Variants in EBF1 observed in about 807,000 individuals in gnomAD.
The protein encoded by EBF1 is transcription factor COE1.
In EBF1, 10 loss-of-function variants were observed where a neutral mutation model predicts 68.4. The observed-to-expected ratio is 0.15, with a 90% CI of 0.09 to 0.25. The LOEUF is 0.25. Among genes scored for constraint, EBF1 ranks in the 10% least tolerant of loss-of-function variants. The pLI, the probability that EBF1 is intolerant of heterozygous loss-of-function variation, is 1.00. For synonymous variants in EBF1, 298 were observed against 299.8 expected, an observed-to-expected ratio of 0.99 and a Z score of 0.06; for missense variants, 509 against 794.4, an observed-to-expected ratio of 0.64 and a Z score of 4.32.
rs764664679 is a variant in EBF1 at position 159,099,487 on chromosome 5, C to G, written c.-9G>C. ...TCCTGAATCCCAAACATGAAAACAACCTTTTCTTGTGGAAAATCTCCTCCC... is the reference window on the plus strand; with the variant it reads ...TCCTGAATCCCAAACATGAAAACAAGCTTTTCTTGTGGAAAATCTCCTCCC... On this transcript the variant is annotated 5_prime_UTR_variant, in exon 1 of 16. Coordinates refer to ENST00000313708, the MANE Select transcript of EBF1 (RefSeq NM_024007.5). 1.3e-6 allele frequency: 2 copies of G among 1,496,030 alleles called. No individual in the cohort carries two copies. Among genetic ancestry groups the G allele is most frequent in the East Asian group, 2.7e-5 (1 of 37,640 alleles). The allele number at this position is 1,496,030 out of a possible 1,614,324, so 92.7% of individuals were successfully genotyped here. A position where few individuals can be genotyped will look rare whatever the true frequency, so the allele number is the denominator to read the frequency against.
At position 159,070,676 on chromosome 5, in the gene EBF1, T is replaced by G. The variant is rs145865522; in HGVS notation, c.554+2720A>C. Among the ~76,000 whole-genome samples the G allele has an allele frequency of 4.3e-3, 655 of 152,302 alleles. 6 individuals are homozygous for G. The highest frequency in any genetic ancestry group is 0.015 in the African/African-American group (613 of 41,570). On this transcript the variant is annotated intron_variant, in intron 6 of 15. Transcript: ENST00000313708. Reference sequence around the variant, plus strand: ...AAGGACAAGCAAAGAGAGCTAAAAATTATTGGTGCTCAAAAGTTGACTGCG... The same window carrying G: ...AAGGACAAGCAAAGAGAGCTAAAAAGTATTGGTGCTCAAAAGTTGACTGCG...
intron 6 of EBF1, among the ~76,000 whole-genome samples, chr5:158,878,047 T>G (rs535283602): frequency 9.2e-5 from 14 of 151,850 alleles, no homozygotes; most frequent in Admixed American, 3.3e-4. Context: ...AACTTGTCAC[T>G]GCTCACGGGA....
At chr5:159,096,617 G>T in intron 2 of EBF1, 1 of 634,682 alleles carries the variant, frequency 1.6e-6, no homozygotes, top group East Asian at 2.7e-5. Flanking sequence ...AAATTCCGTC[G>T]GGCGCACACA....
chr5:159,048,333 A>AC (rs1341315237), intron 6 of EBF1, among the ~76,000 whole-genome samples: 1 of 152,152 alleles, frequency 6.6e-6, no homozygotes, highest in Non-Finnish European at 1.5e-5. Flanking sequence ...TGCCTACCTC[A>AC]CATCCCTGTG....
intron 6 of EBF1, among the ~76,000 whole-genome samples, chr5:158,938,701 CTCT>C (rs1188831803): frequency 1.3e-5 from 2 of 152,178 alleles, no homozygotes; most frequent in African/African-American, 4.8e-5. Context: ...CTCTCTTTTC[CTCT>C]TCTTATGAAG....
At chr5:158,807,561 T>C (rs1781819350) in intron 8 of EBF1, among the ~76,000 whole-genome samples, 1 of 152,156 alleles carries the variant, frequency 6.6e-6, no homozygotes, top group Non-Finnish European at 1.5e-5. Flanking sequence ...GAAGGCTGGA[T>C]TCAGTTCATG....
intron 7 of EBF1, among the ~76,000 whole-genome samples, chr5:158,831,171 C>T (rs973291678): frequency 6.6e-6 from 1 of 152,034 alleles, no homozygotes; most frequent in African/African-American, 2.4e-5. Flanking sequence ...TCCTCATTGG[C>T]CATTTTAGGT....
intron 6 of EBF1, among the ~76,000 whole-genome samples, chr5:159,015,584 C>A (rs1472054757): frequency 6.6e-6 from 1 of 152,178 alleles, no homozygotes; most frequent in East Asian, 1.9e-4. Context: ...ACCTCCATTT[C>A]CAAAGAATGC....
At chr5:158,923,272 T>A (rs1435479068) in intron 6 of EBF1, among the ~76,000 whole-genome samples, 1 of 152,218 alleles carries the variant, frequency 6.6e-6, no homozygotes, top group East Asian at 1.9e-4. Context: ...AAAAGCTTCC[T>A]TTTCAAAGTA....
chr5:159,003,502 T>G (rs1762968109), intron 6 of EBF1, among the ~76,000 whole-genome samples: 1 of 152,136 alleles, frequency 6.6e-6, no homozygotes, highest in South Asian at 2.1e-4. Flanking sequence ...ACTTGAAGAT[T>G]TAATCTGATT....
intron 6 of EBF1, among the ~76,000 whole-genome samples, chr5:158,950,087 T>A (rs541893278): frequency 6.6e-6 from 1 of 152,358 alleles, no homozygotes; most frequent in African/African-American, 2.4e-5. Flanking sequence ...TCAGGCTGGC[T>A]TCCACACAGG....
At chr5:158,860,136 A>G (rs1312935210) in intron 6 of EBF1, among the ~76,000 whole-genome samples, 2 of 152,216 alleles carry the variant, frequency 1.3e-5, no homozygotes, top group African/African-American at 4.8e-5. Flanking sequence ...CATGATTACA[A>G]TTATTCTTAT....
chr5:158,713,685 A>G (rs973456170), intron 12 of EBF1, among the ~76,000 whole-genome samples: 2 of 152,244 alleles, frequency 1.3e-5, no homozygotes, highest in Non-Finnish European at 2.9e-5. Flanking sequence ...TGTCAGACTC[A>G]GTTTCCTAAG....
chr5:158,762,386 G>C (rs1478929034), intron 10 of EBF1, among the ~76,000 whole-genome samples: 1 of 152,152 alleles, frequency 6.6e-6, no homozygotes, highest in Non-Finnish European at 1.5e-5. Context: ...TAGCATCAAT[G>C]GACAACTGGC....
chr5:158,796,308 T>A lies in EBF1; in HGVS notation c.909+37A>T. The A allele has an allele frequency of 2.5e-6, 4 of 1,578,544 alleles. No homozygotes were observed. The East Asian group carries it at 6.8e-5, about 27-fold the overall frequency. On this transcript the variant is annotated intron_variant, in intron 9 of 15. Transcript: ENST00000313708. ...AGTATAGACAGTATCTTCAACTAGA[T>A]CAAGCTATTAGATATTAATGTTCAG...
chr5:158,827,376 C>G (rs1234652082), intron 7 of EBF1, among the ~76,000 whole-genome samples: 1 of 152,132 alleles, frequency 6.6e-6, no homozygotes, highest in African/African-American at 2.4e-5. Flanking sequence ...GCATGAATTG[C>G]GGTTTTCATT....
chr5:158,787,012 A>G (rs1370234036), intron 9 of EBF1, among the ~76,000 whole-genome samples: 1 of 152,208 alleles, frequency 6.6e-6, no homozygotes, highest in Non-Finnish European at 1.5e-5. Flanking sequence ...TATGATATAC[A>G]TTGATACTAG....
chr5:158,722,258 TAG>T (rs1379850376), intron 11 of EBF1, among the ~76,000 whole-genome samples: 2 of 152,176 alleles, frequency 1.3e-5, no homozygotes, highest in Admixed American at 6.5e-5. Flanking sequence ...AAAAACGGCC[TAG>T]AGTCAAAATT....
At chr5:158,798,292 G>A (rs535460211) in intron 8 of EBF1, among the ~76,000 whole-genome samples, 1 of 152,294 alleles carries the variant, frequency 6.6e-6, no homozygotes, top group Non-Finnish European at 1.5e-5. Flanking sequence ...TCCTGACTGA[G>A]TCAAACTGTG....
Sources: gnomAD v4.1 joint callset for allele counts (sites outside exome capture counted in the v4.1 genomes callset) on GRCh38, gnomAD v4.1.1 for gene constraint, MANE v1.5 for transcripts, NCBI Gene and HGNC (gene_info 2026-07-23, HGNC 2026-07-21) for gene names.